THSD7B: variants seen among roughly 807,000 people sequenced by gnomAD.
THSD7B encodes thrombospondin type 1 domain containing 7B.
A neutral mutation model predicts 213.6 loss-of-function variants in THSD7B; 138 were observed. That is an observed-to-expected ratio of 0.65 (90% CI 0.56 to 0.74). The LOEUF is 0.74. Among genes scored for constraint, THSD7B ranks in the 30% least tolerant of loss-of-function variants. THSD7B has a pLI of 0.00. For synonymous variants in THSD7B, 742 were observed against 687.0 expected (o/e 1.08, Z -1.25); for missense variants, 1,931 against 1,991.5 (o/e 0.97, Z 0.58).
intron 7 of THSD7B, among the ~76,000 whole-genome samples, chr2:137,223,106 A>G (rs1400168740): frequency 1.3e-5 from 2 of 152,148 alleles, no homozygotes; most frequent in Non-Finnish European, 2.9e-5. Flanking sequence ...CTGTTTTATC[A>G]TGTGGGGATA....
chr2:137,147,866 A>AT (rs1187553038), intron 5 of THSD7B, among the ~76,000 whole-genome samples: 2 of 151,748 alleles, frequency 1.3e-5, no homozygotes, highest in South Asian at 2.1e-4. Context: ...ATGCTTTTGT[A>AT]TTTTTTTTAA....
At chr2:137,193,368 T>C (rs1680698878) in intron 7 of THSD7B, among the ~76,000 whole-genome samples, 1 of 152,210 alleles carries the variant, frequency 6.6e-6, no homozygotes, top group Non-Finnish European at 1.5e-5. Context: ...AAACACAGTG[T>C]GGAATAATTA....
intron 2 of THSD7B, among the ~76,000 whole-genome samples, chr2:136,965,218 T>C (rs1685294121): frequency 6.6e-6 from 1 of 152,174 alleles, no homozygotes; most frequent in Non-Finnish European, 1.5e-5. Context: ...CTACACTTGG[T>C]TTTCAGAACA....
At chr2:136,955,491 A>G (rs1685109072) in intron 2 of THSD7B, among the ~76,000 whole-genome samples, 1 of 152,226 alleles carries the variant, frequency 6.6e-6, no homozygotes, top group African/African-American at 2.4e-5. Context: ...TCTGAGAGTA[A>G]CAGATATGCC....
At chr2:137,395,556 T>G (rs1686158278) in intron 12 of THSD7B, among the ~76,000 whole-genome samples, 1 of 152,068 alleles carries the variant, frequency 6.6e-6, no homozygotes, top group African/African-American at 2.4e-5. Flanking sequence ...GCTGCTGGAT[T>G]TGTTTTGCCA....
At position 137,589,661 on chromosome 2, in the gene THSD7B, G is replaced by T. The variant is rs185037705; in HGVS notation, c.3423+17105G>T. ...ATTTGCTCTTGCATATTTGGGGTCT[G>T]GTTTCTTAGTATTTTAAGGCATATA... On this transcript the variant is annotated intron_variant, in intron 17 of 27. Transcript: ENST00000409968. Among the ~76,000 whole-genome samples, 384 of 152,178 alleles carry T rather than the reference G, an allele frequency of 2.5e-3. 3 individuals are homozygous for T. The highest frequency in any genetic ancestry group is 8.8e-3 in the African/African-American group (364 of 41,516).
chr2:137,152,139 A>G (rs1679831605), intron 5 of THSD7B, among the ~76,000 whole-genome samples: 1 of 152,016 alleles, frequency 6.6e-6, no homozygotes, highest in Non-Finnish European at 1.5e-5. Flanking sequence ...AATAGTCAAT[A>G]TAAACACATT....
chr2:137,490,386 G>A (rs1427638325), intron 15 of THSD7B, among the ~76,000 whole-genome samples: 1 of 152,192 alleles, frequency 6.6e-6, no homozygotes, highest in Non-Finnish European at 1.5e-5. Context: ...TAGAAAGTGA[G>A]ATAAGTTAAA....
At chr2:137,478,045 CTG>C in intron 15 of THSD7B, among the ~76,000 whole-genome samples, 1 of 152,202 alleles carries the variant, frequency 6.6e-6, no homozygotes, top group East Asian at 1.9e-4. Context: ...ACGTTTGAGA[CTG>C]TGACTATAAT....
chr2:137,558,544 G>C (rs1291450814), intron 15 of THSD7B, among the ~76,000 whole-genome samples: 1 of 152,084 alleles, frequency 6.6e-6, no homozygotes, highest in African/African-American at 2.4e-5. Flanking sequence ...CAATAAACTA[G>C]ATATTGATGG....
chr2:137,432,784 T>G (rs1376787663), intron 14 of THSD7B, among the ~76,000 whole-genome samples: 2 of 152,216 alleles, frequency 1.3e-5, no homozygotes, highest in Non-Finnish European at 2.9e-5. Context: ...GGACTTCTAC[T>G]CAATTTTAAG....
intron 17 of THSD7B, among the ~76,000 whole-genome samples, chr2:137,608,288 A>G (rs1340014430): frequency 2.6e-5 from 4 of 151,282 alleles, no homozygotes; most frequent in Non-Finnish European, 5.9e-5. Context: ...CTCTTTCCCA[A>G]TCTCTAATTA....
intron 3 of THSD7B, among the ~76,000 whole-genome samples, chr2:137,064,463 A>T (rs992407035): frequency 6.6e-6 from 1 of 151,862 alleles, no homozygotes; most frequent in Non-Finnish European, 1.5e-5. Flanking sequence ...GGATTTTCTC[A>T]TCAGTTTGTT....
chr2:137,306,364 C>T (rs565964612), intron 12 of THSD7B, among the ~76,000 whole-genome samples: 8 of 152,122 alleles, frequency 5.3e-5, no homozygotes, highest in African/African-American at 1.9e-4. Flanking sequence ...TTTAAACTAG[C>T]CAGGTTGACA....
intron 3 of THSD7B, among the ~76,000 whole-genome samples, chr2:137,087,398 G>A (rs986730031): frequency 3.3e-5 from 5 of 152,130 alleles, no homozygotes; most frequent in East Asian, 1.9e-4. Context: ...TGACATGATC[G>A]TTTACCTAAA....
chr2:137,398,338 T>G (rs1397217850), intron 12 of THSD7B, among the ~76,000 whole-genome samples: 1 of 145,098 alleles, frequency 6.9e-6, no homozygotes, highest in East Asian at 2.1e-4. Context: ...ACAGATGGGT[T>G]TTTGGTGTGG....
intron 3 of THSD7B, among the ~76,000 whole-genome samples, chr2:137,078,467 C>G (rs1191256292): frequency 2.3e-4 from 35 of 152,086 alleles, no homozygotes; most frequent in Admixed American, 2.3e-3. Context: ...CTAACCCACA[C>G]CATTTTTTCT....
chr2:137,316,096 C>T (rs1684091234), intron 12 of THSD7B, among the ~76,000 whole-genome samples: 3 of 152,154 alleles, frequency 2.0e-5, no homozygotes, highest in Admixed American at 6.5e-5. Flanking sequence ...ACAATTACTT[C>T]AGCAGGATAG....
intron 11 of THSD7B, among the ~76,000 whole-genome samples, chr2:137,274,483 A>G (rs879936026): frequency 6.6e-6 from 1 of 152,096 alleles, no homozygotes; most frequent in African/African-American, 2.4e-5. Flanking sequence ...GAAGTTGACA[A>G]GAGGCTGTGG....
Sources: gnomAD v4.1 joint callset for allele counts (sites outside exome capture counted in the v4.1 genomes callset) on GRCh38, gnomAD v4.1.1 for gene constraint, MANE v1.5 for transcripts, NCBI Gene and HGNC (gene_info 2026-07-23, HGNC 2026-07-21) for gene names.